TTLL7: variants seen among roughly 807,000 people sequenced by gnomAD.
TTLL7 encodes the protein tubulin tyrosine ligase like 7.
Under a neutral mutation model 120.2 loss-of-function variants are expected in TTLL7, and 53 were observed. That is an observed-to-expected ratio of 0.44 (90% CI 0.35 to 0.55). The LOEUF (loss-of-function observed/expected upper bound fraction) is 0.55, where lower values mean the gene tolerates loss of function less well. Ranked by LOEUF, TTLL7 falls within the 20% of genes least tolerant of loss-of-function variation. The probability of loss-of-function intolerance (pLI) is 0.00; values close to 1 mark genes in which losing one functional copy is unlikely to be tolerated. For missense variants in TTLL7, 803 were observed against 1,054.7 expected, an observed-to-expected ratio of 0.76 and a Z score of 3.31; for synonymous variants, 353 against 351.7, an observed-to-expected ratio of 1.00 and a Z score of -0.04.
intron 1 of TTLL7, among the ~76,000 whole-genome samples, chr1:83,964,482 T>G (rs1009122888): frequency 2.0e-5 from 3 of 152,168 alleles, no homozygotes; most frequent in Non-Finnish European, 4.4e-5. Flanking sequence ...GTATCACCAA[T>G]CTGTTTAAAC....
Position 83,892,564 on chromosome 1 carries a change from G to T in TTLL7, c.2209-2083C>A, listed in dbSNP as rs528533108. 1.5e-4 allele frequency among the ~76,000 whole-genome samples: 12 copies of T among 82,280 alleles called. No individual in the cohort carries two copies. In the South Asian group the frequency reaches 3.7e-3, roughly 25 times the overall value. 54.0% of individuals were successfully genotyped at this position (82,280 alleles called of 152,430 possible). A position where few individuals can be genotyped will look rare whatever the true frequency, so the allele number is the denominator to read the frequency against. On this transcript the variant is annotated intron_variant, in intron 18 of 20. Coordinates refer to ENST00000260505, the MANE Select transcript of TTLL7 (RefSeq NM_024686.6). Reference sequence around the variant, plus strand: ...TGAATGAACATATATATGAACATATGAACATATATATGAACATATAAATGA... The same window carrying T: ...TGAATGAACATATATATGAACATATTAACATATATATGAACATATAAATGA...
At chr1:83,944,801 A>C (rs376545245) in intron 6 of TTLL7, among the ~76,000 whole-genome samples, 24 of 152,228 alleles carry the variant, frequency 1.6e-4, no homozygotes, top group African/African-American at 5.3e-4. Context: ...TGCATAAAAC[A>C]ATAGTTATAA....
Position 83,997,576 on chromosome 1 carries a change from C to T in TTLL7, c.-177+1355G>A, listed in dbSNP as rs139660888. Among the ~76,000 whole-genome samples the T allele has an allele frequency of 5.9e-5, 9 of 152,278 alleles. No homozygotes were observed. In the East Asian group the frequency reaches 1.7e-3, roughly 29 times the overall value. Reference sequence around the variant, plus strand: ...CATGGCTTACTGAGTGGTCTTGAACCTTCTCTGAATTTTGTTCCTTAGTCT... The same window carrying T: ...CATGGCTTACTGAGTGGTCTTGAACTTTCTCTGAATTTTGTTCCTTAGTCT... On this transcript the variant is annotated intron_variant, in intron 1 of 20. Coordinates refer to ENST00000260505, the MANE Select transcript of TTLL7 (RefSeq NM_024686.6).
chr1:83,968,826 A>G (rs1650718064), intron 1 of TTLL7, among the ~76,000 whole-genome samples: 1 of 152,066 alleles, frequency 6.6e-6, no homozygotes, highest in Admixed American at 6.6e-5. Flanking sequence ...AATAAGCATT[A>G]AAGTTGTCTA....
Position 83,961,882 on chromosome 1 carries a change from C to T in TTLL7, c.-176-9495G>A, listed in dbSNP as rs546603452. Among the ~76,000 whole-genome samples the T allele has an allele frequency of 5.3e-5, 8 of 152,218 alleles. 2 individuals carry two copies. The East Asian group carries it at 1.5e-3, about 29-fold the overall frequency. ...TCCATTTACCTCTCCCATTTCCTGA[C>T]CCTGCAAAGAACTATACCAAACCTA... is the stretch of plus-strand genomic sequence containing the variant. On this transcript the variant is annotated intron_variant, in intron 1 of 20. Transcript: ENST00000260505.
chr1:83,945,855 A>C (rs1017768808), intron 6 of TTLL7: 3 of 149,696 alleles, frequency 2.0e-5, no homozygotes, highest in Non-Finnish European at 4.5e-5. Flanking sequence ...ACACAGAGAC[A>C]GCCAACTCAG....
chr1:83,882,095 G>C (rs1268447952), intron 20 of TTLL7, among the ~76,000 whole-genome samples: 1 of 107,750 alleles, frequency 9.3e-6, no homozygotes, highest in Non-Finnish European at 1.8e-5. Context: ...TTGTGGGGTG[G>C]GGGGAGGGGG....
chr1:83,905,962 C>A (rs535725141), intron 17 of TTLL7, among the ~76,000 whole-genome samples: 1 of 152,062 alleles, frequency 6.6e-6, no homozygotes, highest in South Asian at 2.1e-4. Flanking sequence ...TTTCATCATA[C>A]CCCATTCCAT....
chr1:83,983,623 T>G (rs1262022054), intron 1 of TTLL7, among the ~76,000 whole-genome samples: 1 of 152,084 alleles, frequency 6.6e-6, no homozygotes, highest in African/African-American at 2.4e-5. Flanking sequence ...ACAAGTGGGA[T>G]CTCATCAAAC....
chr1:83,895,873 G>A (rs999097733), intron 18 of TTLL7, among the ~76,000 whole-genome samples: 1 of 152,040 alleles, frequency 6.6e-6, no homozygotes, highest in African/African-American at 2.4e-5. Context: ...GGAGGAGAGT[G>A]GGATCACTGT....
chr1:83,947,302 G>T lies in TTLL7; in HGVS notation c.348-20C>A. On this transcript the variant is annotated intron_variant, in intron 5 of 20. Coordinates refer to ENST00000260505, the MANE Select transcript of TTLL7 (RefSeq NM_024686.6). ...ATCATTCTGTAAATTGGACATAATA[G>T]GAAAAATAATTTCTATTCAAACTAG... 1 of 1,567,634 alleles carries T rather than the reference G, an allele frequency of 6.4e-7. No homozygotes were observed. Among genetic ancestry groups the T allele is most frequent in the South Asian group, 1.2e-5 (1 of 82,092 alleles).
At chr1:83,933,289 G>T (rs1571230309) in intron 9 of TTLL7, among the ~76,000 whole-genome samples, 1 of 152,188 alleles carries the variant, frequency 6.6e-6, no homozygotes, top group East Asian at 1.9e-4. Context: ...AACTCATGAT[G>T]TGGTAGAAGC....
At position 83,938,026 on chromosome 1, in the gene TTLL7, G is replaced by GTT; in HGVS notation, c.724-11_724-10insAA. 1 of 1,613,426 alleles carries GTT rather than the reference G, an allele frequency of 6.2e-7. No individual in the cohort carries two copies. Among genetic ancestry groups the GTT allele is most frequent in the Non-Finnish European group, 8.5e-7 (1 of 1,179,498 alleles). On this transcript the variant is annotated splice_polypyrimidine_tract_variant and intron_variant, in intron 7 of 20. Coordinates refer to ENST00000260505, the MANE Select transcript of TTLL7 (RefSeq NM_024686.6). ...GCATGTATAACTGGGTCTGTAACAA[G>GTT]TAAGAACCAAAGTTGTTACCACCTA...
chr1:83,881,552 C>T (rs987590254), intron 20 of TTLL7, among the ~76,000 whole-genome samples: 1 of 152,176 alleles, frequency 6.6e-6, no homozygotes, highest in Non-Finnish European at 1.5e-5. Context: ...CATCTCACAC[C>T]AGTTAGAATG....
intron 1 of TTLL7, chr1:83,980,447 T>TC (rs907436379): frequency 1.3e-5 from 2 of 152,208 alleles, no homozygotes; most frequent in African/African-American, 4.8e-5. Flanking sequence ...TTAATTTTTT[T>TC]CTGTAGAAAC....
Position 83,970,132 on chromosome 1 carries a change from T to C in TTLL7, c.-176-17745A>G, listed in dbSNP as rs190641907. Among the ~76,000 whole-genome samples, 292 of 152,176 alleles carry C rather than the reference T, an allele frequency of 1.9e-3. 1 individual carries two copies. Among genetic ancestry groups the C allele is most frequent in the African/African-American group, 6.7e-3 (277 of 41,564 alleles). On this transcript the variant is annotated intron_variant, in intron 1 of 20. Transcript: ENST00000260505. Reference sequence around the variant, plus strand: ...ATAAATCTTAAAATAATCTATAGGATTGGCTACTTCCAAAAGACCCTGATT... The same window carrying C: ...ATAAATCTTAAAATAATCTATAGGACTGGCTACTTCCAAAAGACCCTGATT...
intron 1 of TTLL7, among the ~76,000 whole-genome samples, chr1:83,954,929 C>A (rs1298676677): frequency 6.8e-6 from 1 of 146,564 alleles, no homozygotes; most frequent in African/African-American, 2.5e-5. Flanking sequence ...GATAAAGAAA[C>A]AGAATTTATT....
intron 13 of TTLL7, among the ~76,000 whole-genome samples, chr1:83,918,133 A>G (rs1658345068): frequency 1.3e-5 from 2 of 152,296 alleles, no homozygotes; most frequent in South Asian, 4.1e-4. Flanking sequence ...TTCACTTAGA[A>G]ACATTCTAAT....
intron 20 of TTLL7, 106 bp from the exon 21 acceptor site, chr1:83,870,188 T>C: frequency 9.1e-7 from 1 of 1,097,600 alleles, no homozygotes; most frequent in Non-Finnish European, 1.2e-6. Flanking sequence ...GAAATGTTAC[T>C]GTAACAAAAA....
Sources: gnomAD v4.1 joint callset for allele counts (sites outside exome capture counted in the v4.1 genomes callset) on GRCh38, gnomAD v4.1.1 for gene constraint, MANE v1.5 for transcripts, NCBI Gene and HGNC (gene_info 2026-07-23, HGNC 2026-07-21) for gene names.